The following ACSS3 variants were observed in gnomAD, a reference collection of about 807,000 sequenced individuals.
ACSS3 encodes the protein acyl-CoA synthetase short-chain family member 3, mitochondrial.
In ACSS3, 64 loss-of-function variants were observed where a neutral mutation model predicts 84.2. The observed-to-expected ratio is 0.76, with a 90% CI of 0.62 to 0.94. ACSS3 has a LOEUF of 0.94. Ranked by LOEUF, ACSS3 falls within the 40% of genes least tolerant of loss-of-function variation. The pLI is 0.00. For missense variants in ACSS3, 815 were observed against 867.6 expected (o/e 0.94, Z 0.76); for synonymous variants, 317 against 310.1 (o/e 1.02, Z -0.23).
In ACSS3 at chr12:81,109,721, T is replaced by G; in HGVS notation, c.456+17T>G. ...CTGGAGCAGGTAATATCATAAACTT[T>G]ATATATGTATATATGAATTCATATA... is the stretch of plus-strand genomic sequence containing the variant. On this transcript the variant is annotated intron_variant, in intron 2 of 15. Coordinates refer to ENST00000548058, the MANE Select transcript of ACSS3 (RefSeq NM_024560.4). 6.6e-7 allele frequency: 1 copy of G among 1,510,854 alleles called. No homozygotes were observed. The highest frequency in any genetic ancestry group is 1.3e-5 in the South Asian group (1 of 75,188). The allele number at this position is 1,510,854 out of a possible 1,614,324, so 93.6% of individuals were successfully genotyped here.
Position 81,098,054 on chromosome 12 carries a change from C to T in ACSS3, c.312-11506C>T, listed in dbSNP as rs150647592. Among the ~76,000 whole-genome samples, 273 of 151,832 alleles carry T rather than the reference C, an allele frequency of 1.8e-3. 2 individuals carry two copies. Among genetic ancestry groups the T allele is most frequent in the African/African-American group, 6.4e-3 (263 of 41,388 alleles). On this transcript the variant is annotated intron_variant, in intron 1 of 15. Transcript: ENST00000548058. ...TACCCATGTATGGGTGGGATTATTC[C>T]GGGTACTCTGGTTTCCTTTCACATC... is the stretch of plus-strand genomic sequence containing the variant.
At chr12:81,245,220 G>A (rs1160493099) in intron 13 of ACSS3, among the ~76,000 whole-genome samples, 1 of 152,178 alleles carries the variant, frequency 6.6e-6, no homozygotes, top group Non-Finnish European at 1.5e-5. Context: ...CCAGCACTAT[G>A]GGAGGCCGAG....
At chr12:81,212,240 C>T (rs141867009) in intron 9 of ACSS3, among the ~76,000 whole-genome samples, 2 of 152,270 alleles carry the variant, frequency 1.3e-5, no homozygotes, top group East Asian at 3.9e-4. Flanking sequence ...GGGAGGTCTC[C>T]ATGCGGGTAG....
rs116689596 is a variant in ACSS3, at chr12:81,199,909, T to C, written c.1354+465T>C. 9.1e-3 allele frequency: 2,821 copies of C among 309,488 alleles called. 23 individuals carry two copies. Among genetic ancestry groups the C allele is most frequent in the African/African-American group, 0.02 (899 of 45,318 alleles). The allele number at this position is 309,488 out of a possible 1,614,324, so 19.2% of individuals were successfully genotyped here. On this transcript the variant is annotated intron_variant, in intron 9 of 15. Transcript: ENST00000548058. ...CCCAGAGTCCTTTTATGAAGGCTTG[T>C]TCCTCTCATAGGACTCTCTGGCCAC...
chr12:81,187,255 A>C (rs2031320051), intron 8 of ACSS3, among the ~76,000 whole-genome samples: 1 of 151,864 alleles, frequency 6.6e-6, no homozygotes. Flanking sequence ...GTCAGAGGAT[A>C]CAAAGCAGCA....
At chr12:81,127,068 T>A (rs1885148927) in intron 2 of ACSS3, among the ~76,000 whole-genome samples, 1 of 151,822 alleles carries the variant, frequency 6.6e-6, no homozygotes, top group African/African-American at 2.4e-5. Flanking sequence ...TAAGTGTAAA[T>A]GTAATGTTTT....
At chr12:81,224,584 G>A (rs2033211900) in intron 11 of ACSS3, among the ~76,000 whole-genome samples, 1 of 151,562 alleles carries the variant, frequency 6.6e-6, no homozygotes, top group Admixed American at 6.6e-5. Context: ...ATGTGTGTGT[G>A]TGTGTGTGTG....
intron 9 of ACSS3, among the ~76,000 whole-genome samples, chr12:81,209,456 T>A (rs572306583): frequency 1.5e-3 from 223 of 151,986 alleles, no homozygotes; most frequent in Non-Finnish European, 1.4e-3. Context: ...CATGATTTTG[T>A]GGATCATAGG....
intron 1 of ACSS3, among the ~76,000 whole-genome samples, chr12:81,094,062 A>G (rs1421683957): frequency 6.6e-6 from 1 of 151,924 alleles, no homozygotes; most frequent in Non-Finnish European, 1.5e-5. Context: ...ATCCTTTCAT[A>G]TTGGCATTTA....
intron 2 of ACSS3, chr12:81,124,284 A>G (rs1884892494): frequency 1.3e-5 from 2 of 152,184 alleles, no homozygotes; most frequent in South Asian, 4.1e-4. Flanking sequence ...CTCATGAAAT[A>G]CTAGTTTTAA....
In ACSS3 at chr12:81,261,010, T is replaced by C. The variant is rs1219344537; in HGVS notation, c.*6088T>C. 3 of 51,642 alleles carry C rather than the reference T, an allele frequency of 5.8e-5. No individual in the cohort carries two copies. Among genetic ancestry groups the C allele is most frequent in the Non-Finnish European group, 1.2e-4 (2 of 16,022 alleles). 3.2% of individuals were successfully genotyped at this position (51,642 alleles called of 1,614,324 possible). The stretch of plus-strand genomic sequence containing the variant: ...TATATGGATTTTAAAGTAGCTTTCA[T>C]TAATTGGTATTTCCTTAAAATCAAA... On this transcript the variant is annotated 3_prime_UTR_variant, in exon 16 of 16. Coordinates refer to ENST00000548058, the MANE Select transcript of ACSS3 (RefSeq NM_024560.4).
At chr12:81,238,858 T>G (rs1237204570) in intron 13 of ACSS3, among the ~76,000 whole-genome samples, 1 of 151,732 alleles carries the variant, frequency 6.6e-6, no homozygotes, top group Non-Finnish European at 1.5e-5. Context: ...TTTAATTTAT[T>G]TCTCCTCTAA....
At chr12:81,171,174 C>T (rs2030015448) in intron 7 of ACSS3, among the ~76,000 whole-genome samples, 1 of 152,024 alleles carries the variant, frequency 6.6e-6, no homozygotes, top group African/African-American at 2.4e-5. Flanking sequence ...AAATCGTTCC[C>T]AGAATATTTA....
intron 9 of ACSS3, among the ~76,000 whole-genome samples, chr12:81,211,774 C>T (rs950996613): frequency 1.3e-5 from 2 of 152,044 alleles, no homozygotes; most frequent in Non-Finnish European, 2.9e-5. Flanking sequence ...TGTTCAGAAG[C>T]CCTCATTAGC....
At chr12:81,143,063 A>G in intron 4 of ACSS3, 44 bp from the exon 5 acceptor site, 6 of 1,472,872 alleles carry the variant, frequency 4.1e-6, no homozygotes, top group Non-Finnish European at 5.5e-6. Flanking sequence ...CTCTTGATTT[A>G]ATCTCCTTAT....
chr12:81,249,368 A>C (rs2034084326), intron 13 of ACSS3, among the ~76,000 whole-genome samples: 1 of 152,058 alleles, frequency 6.6e-6, no homozygotes, highest in South Asian at 2.1e-4. Context: ...TTGTAGCTTA[A>C]GTGTAGGTTT....
intron 8 of ACSS3, among the ~76,000 whole-genome samples, chr12:81,190,632 G>A (rs2031521099): frequency 6.6e-6 from 1 of 152,086 alleles, no homozygotes. Context: ...CTCCAGTAAA[G>A]TATTTAATAG....
chr12:81,219,964 G>A (rs1177578911), intron 10 of ACSS3, 49 bp from the exon 11 acceptor site: 12 of 1,259,298 alleles, frequency 9.5e-6, no homozygotes, highest in Non-Finnish European at 1.3e-5. Flanking sequence ...AAATGTTTAA[G>A]CTTTAAGATT....
chr12:81,227,770 A>T (rs1385378342), intron 11 of ACSS3, among the ~76,000 whole-genome samples: 1 of 151,816 alleles, frequency 6.6e-6, no homozygotes, highest in Admixed American at 6.6e-5. Flanking sequence ...CATATTGCAT[A>T]TATTGAATTC....
Sources: allele counts gnomAD v4.1 joint callset (sites outside exome capture counted in the v4.1 genomes callset), GRCh38; gene constraint gnomAD v4.1.1; transcripts MANE v1.5; gene names NCBI Gene and HGNC (gene_info 2026-07-23, HGNC 2026-07-21).